PCOLCE2: variants seen among roughly 807,000 people sequenced by gnomAD.
PCOLCE2 encodes procollagen C-proteinase enhancer 2.
Under a neutral mutation model 47.0 loss-of-function variants are expected in PCOLCE2, and 42 were observed. The observed-to-expected ratio is 0.89, with a 90% confidence interval of 0.70 to 1.16. The LOEUF (loss-of-function observed/expected upper bound fraction) is 1.16, where lower values mean the gene tolerates loss of function less well. PCOLCE2 is among the 50% of genes most tolerant of loss of function. The probability of loss-of-function intolerance (pLI) is 0.00; values close to 1 mark genes in which losing one functional copy is unlikely to be tolerated. For missense variants in PCOLCE2, 500 were observed against 526.1 expected, an observed-to-expected ratio of 0.95 and a Z score of 0.49; for synonymous variants, 169 against 191.7, an observed-to-expected ratio of 0.88 and a Z score of 0.98.
At chr3:142,880,901 T>C (rs1933600059) in intron 2 of PCOLCE2, among the ~76,000 whole-genome samples, 1 of 152,250 alleles carries the variant, frequency 6.6e-6, no homozygotes, top group African/African-American at 2.4e-5. Context: ...TCATACTCTT[T>C]GCACGAAGCA....
At chr3:142,860,064 T>C (rs1041154953) in intron 2 of PCOLCE2, among the ~76,000 whole-genome samples, 1 of 152,236 alleles carries the variant, frequency 6.6e-6, no homozygotes, top group African/African-American at 2.4e-5. Context: ...TTAAAAAGTA[T>C]GTGCATAGTT....
chr3:142,822,815 G>A (rs1395595641), intron 7 of PCOLCE2, among the ~76,000 whole-genome samples: 5 of 152,194 alleles, frequency 3.3e-5, no homozygotes, highest in African/African-American at 1.2e-4. Context: ...AGCAAGCAGA[G>A]CCTCTCTGGG....
intron 4 of PCOLCE2, among the ~76,000 whole-genome samples, chr3:142,839,998 G>A (rs1457731885): frequency 1.3e-5 from 2 of 152,140 alleles, no homozygotes; most frequent in Non-Finnish European, 2.9e-5. Flanking sequence ...TGTGTAGGAG[G>A]GTGAGCTGAG....
intron 2 of PCOLCE2, among the ~76,000 whole-genome samples, chr3:142,861,388 C>T (rs1933180735): frequency 6.6e-6 from 1 of 152,208 alleles, no homozygotes; most frequent in Non-Finnish European, 1.5e-5. Context: ...GTTAGTCAGA[C>T]TTGGACTTCC....
chr3:142,888,807 G>C lies in PCOLCE2; in HGVS notation c.83+7C>G. 1 of 1,488,298 alleles carries C rather than the reference G, an allele frequency of 6.7e-7. No individual in the cohort carries two copies. Among genetic ancestry groups the C allele is most frequent in the African/African-American group, 1.4e-5 (1 of 69,116 alleles). 92.2% of individuals were successfully genotyped at this position (1,488,298 alleles called of 1,614,324 possible). The stretch of plus-strand genomic sequence containing the variant: ...GAGAAAGGGAGCCCGGGCAGGGGTC[G>C]CGTTACCTCTCTGGGGACTGCTGCC... On this transcript the variant is annotated splice_region_variant and intron_variant, in intron 1 of 8. Coordinates refer to ENST00000295992, the MANE Select transcript of PCOLCE2 (RefSeq NM_013363.4).
chr3:142,850,611 A>T (rs1318172509), intron 2 of PCOLCE2, among the ~76,000 whole-genome samples: 1 of 152,220 alleles, frequency 6.6e-6, no homozygotes, highest in Non-Finnish European at 1.5e-5. Flanking sequence ...CTGCTGAGAA[A>T]GACCAGTGGA....
chr3:142,869,488 T>A (rs1264749237), intron 2 of PCOLCE2, among the ~76,000 whole-genome samples: 1 of 152,154 alleles, frequency 6.6e-6, no homozygotes, highest in African/African-American at 2.4e-5. Context: ...GTAGAAAATC[T>A]CCTTCCCTTT....
chr3:142,870,386 T>C (rs886222196), intron 2 of PCOLCE2, among the ~76,000 whole-genome samples: 4 of 152,216 alleles, frequency 2.6e-5, no homozygotes, highest in Non-Finnish European at 4.4e-5. Flanking sequence ...GGACAGCACT[T>C]AGCTCTAGAA....
At chr3:142,872,889 A>C (rs149192424) in intron 2 of PCOLCE2, among the ~76,000 whole-genome samples, 1,539 of 152,266 alleles carry the variant, frequency 0.01, 26 homozygotes, top group African/African-American at 0.035. Context: ...GAATTTCCCC[A>C]AAAAAAGTGC....
At chr3:142,863,859 T>G (rs1196328880) in intron 2 of PCOLCE2, 2 of 152,018 alleles carry the variant, frequency 1.3e-5, no homozygotes, top group African/African-American at 4.8e-5. Flanking sequence ...AAAACAAAAG[T>G]GGATAAACTA....
intron 2 of PCOLCE2, among the ~76,000 whole-genome samples, chr3:142,876,723 C>A (rs1250094794): frequency 6.6e-6 from 1 of 152,152 alleles, no homozygotes; most frequent in East Asian, 1.9e-4. Flanking sequence ...CTCTCTCTCT[C>A]CACAAAGCCT....
At chr3:142,845,867 TGA>T (rs1491187448) in intron 3 of PCOLCE2, among the ~76,000 whole-genome samples, 3 of 151,376 alleles carry the variant, frequency 2.0e-5, no homozygotes, top group Non-Finnish European at 4.4e-5. Flanking sequence ...CCCAGCTGCT[TGA>T]GAGGTTGAGG....
At chr3:142,819,143 G>C (rs1045407219) in intron 8 of PCOLCE2, among the ~76,000 whole-genome samples, 1 of 152,180 alleles carries the variant, frequency 6.6e-6, no homozygotes, top group Non-Finnish European at 1.5e-5. Context: ...ACTTGCATTT[G>C]TACAGTTTCT....
intron 5 of PCOLCE2, among the ~76,000 whole-genome samples, chr3:142,834,098 T>C (rs1460786346): frequency 6.6e-6 from 1 of 152,230 alleles, no homozygotes; most frequent in African/African-American, 2.4e-5. Flanking sequence ...GGGCCCAATC[T>C]GCAGATACAT....
intron 2 of PCOLCE2, among the ~76,000 whole-genome samples, chr3:142,854,607 G>T (rs2108200620): frequency 6.6e-6 from 1 of 151,956 alleles, no homozygotes; most frequent in Non-Finnish European, 1.5e-5. Context: ...TTGTTTTTGG[G>T]GATTTCACTA....
chr3:142,819,279 C>T (rs1936986595), intron 8 of PCOLCE2, among the ~76,000 whole-genome samples: 1 of 152,076 alleles, frequency 6.6e-6, no homozygotes, highest in African/African-American at 2.4e-5. Context: ...TTTATATTAC[C>T]TCAGAAATAA....
intron 8 of PCOLCE2, among the ~76,000 whole-genome samples, chr3:142,820,446 C>T (rs569071848): frequency 4.6e-5 from 7 of 152,284 alleles, no homozygotes; most frequent in African/African-American, 1.7e-4. Flanking sequence ...AACTCACTCC[C>T]ATCCATGGAC....
rs574380692 is a variant in PCOLCE2, at chr3:142,843,311, T to C, written c.449-263A>G. 3.1e-5 allele frequency: 16 copies of C among 520,406 alleles called. No homozygotes were observed. In the East Asian group the frequency reaches 7.0e-4, roughly 23 times the overall value. 32.2% of individuals were successfully genotyped at this position (520,406 alleles called of 1,614,324 possible). On this transcript the variant is annotated intron_variant, in intron 3 of 8. Coordinates refer to ENST00000295992, the MANE Select transcript of PCOLCE2 (RefSeq NM_013363.4). ...CAGGGCCTCTTTTCTTTTTTTTTCC[T>C]TAGACAAGGAAGACAAAACATTTGA... is the stretch of plus-strand genomic sequence containing the variant.
chr3:142,822,042 C>T (rs938973405), intron 7 of PCOLCE2, among the ~76,000 whole-genome samples: 8 of 152,058 alleles, frequency 5.3e-5, no homozygotes, highest in Non-Finnish European at 1.0e-4. Flanking sequence ...CTCAGCCTCC[C>T]AAGTAGCTGG....
Sources: allele counts gnomAD v4.1 joint callset (sites outside exome capture counted in the v4.1 genomes callset), GRCh38; gene constraint gnomAD v4.1.1; transcripts MANE v1.5; gene names NCBI Gene and HGNC (gene_info 2026-07-23, HGNC 2026-07-21).